Variants in ATXN1 observed in about 807,000 individuals in gnomAD.
The protein encoded by ATXN1 is ataxin 1.
In ATXN1, 8 loss-of-function variants were observed where a neutral mutation model predicts 56.4. The observed-to-expected ratio is 0.14, with a 90% CI of 0.08 to 0.26. The LOEUF (loss-of-function observed/expected upper bound fraction) is 0.26. Ranked by LOEUF, ATXN1 falls within the 10% of genes least tolerant of loss-of-function variation. The probability of loss-of-function intolerance (pLI) is 1.00; values close to 1 mark genes in which losing one functional copy is unlikely to be tolerated. For synonymous variants in ATXN1, 514 were observed against 494.6 expected, an observed-to-expected ratio of 1.04 and a Z score of -0.52; for missense variants, 987 against 1,106.5, an observed-to-expected ratio of 0.89 and a Z score of 1.53.
intron 4 of ATXN1, among the ~76,000 whole-genome samples, chr6:16,572,452 CT>C (rs1233638014): frequency 6.6e-6 from 1 of 152,180 alleles, no homozygotes; most frequent in African/African-American, 2.4e-5. Context: ...GGTTCTGCCC[CT>C]GAACCGCAAG....
intron 3 of ATXN1, among the ~76,000 whole-genome samples, chr6:16,644,602 T>A (rs1763770053): frequency 6.7e-6 from 1 of 149,748 alleles, no homozygotes; most frequent in Non-Finnish European, 1.5e-5. Context: ...ACACACACTA[T>A]ATATTTATAT....
At chr6:16,560,506 A>G (rs2113738234) in intron 4 of ATXN1, among the ~76,000 whole-genome samples, 1 of 152,296 alleles carries the variant, frequency 6.6e-6, no homozygotes, top group East Asian at 1.9e-4. Flanking sequence ...TTCCTTTAAT[A>G]TGCTTGTTCT....
At chr6:16,654,565 A>AAG (rs139344679) in intron 3 of ATXN1, among the ~76,000 whole-genome samples, 5 of 33,458 alleles carry the variant, frequency 1.5e-4, no homozygotes, top group Admixed American at 2.5e-4. Context: ...AAAAAAAAAA[A>AAG]AGAGAGAGAG....
chr6:16,465,244 C>A (rs933295921), intron 6 of ATXN1, among the ~76,000 whole-genome samples: 3 of 152,080 alleles, frequency 2.0e-5, no homozygotes, highest in Non-Finnish European at 4.4e-5. Context: ...AGGTTGATCA[C>A]CAAAGGGCAG....
At chr6:16,468,796 TAG>T (rs1180087726) in intron 6 of ATXN1, among the ~76,000 whole-genome samples, 1 of 152,078 alleles carries the variant, frequency 6.6e-6, no homozygotes, top group East Asian at 1.9e-4. Flanking sequence ...TTAGAGCAAC[TAG>T]AGAAGTTTTC....
At chr6:16,550,174 A>G (rs1486431797) in intron 4 of ATXN1, among the ~76,000 whole-genome samples, 3 of 143,050 alleles carry the variant, frequency 2.1e-5, no homozygotes, top group Non-Finnish European at 4.7e-5. Context: ...AAAAAAAAAA[A>G]GAATAGGCAT....
chr6:16,567,967 T>C (rs1198551198), intron 4 of ATXN1, among the ~76,000 whole-genome samples: 1 of 152,176 alleles, frequency 6.6e-6, no homozygotes, highest in African/African-American at 2.4e-5. Context: ...ATTTTCCCCT[T>C]ATATGTGTAG....
At chr6:16,508,280 A>T (rs1459978392) in intron 5 of ATXN1, among the ~76,000 whole-genome samples, 2 of 152,224 alleles carry the variant, frequency 1.3e-5, no homozygotes, top group East Asian at 3.8e-4. Flanking sequence ...TGTAAGTAAA[A>T]TTATTTCATA....
At chr6:16,577,523 C>CAAAA (rs61193572) in intron 4 of ATXN1, among the ~76,000 whole-genome samples, 1 of 77,016 alleles carries the variant, frequency 1.3e-5, no homozygotes, top group Non-Finnish European at 3.1e-5. Context: ...GACTCTGTCT[C>CAAAA]AAAAAAAAAA....
At chr6:16,351,066 G>A (rs968541850) in intron 6 of ATXN1, among the ~76,000 whole-genome samples, 3 of 152,084 alleles carry the variant, frequency 2.0e-5, no homozygotes, top group East Asian at 1.9e-4. Context: ...TCCAACCTGG[G>A]AGACAGAACA....
chr6:16,596,250 G>A (rs528158925), intron 3 of ATXN1, among the ~76,000 whole-genome samples: 2 of 152,192 alleles, frequency 1.3e-5, no homozygotes, highest in Admixed American at 6.5e-5. Context: ...TCTCATCTTG[G>A]CCTCCCAAAG....
rs924943687 is a variant in ATXN1 at position 16,326,237 on chromosome 6, T to C, written c.1917+157A>G. Among the ~76,000 whole-genome samples the C allele has an allele frequency of 1.3e-5, 2 of 152,172 alleles. No homozygotes were observed. The highest frequency in any genetic ancestry group is 1.3e-4 in the Admixed American group (2 of 15,288). ...GAGATCACGGGGAAATGGGGCTTAT[T>C]TTTTCTAGAGAACGCAGTTGGGAAA... On this transcript the variant is annotated intron_variant, in intron 7 of 7. Coordinates refer to ENST00000436367, the MANE Select transcript of ATXN1 (RefSeq NM_001128164.2). The surrounding 1 kb of genome is among the most constrained non-coding windows in gnomAD (Gnocchi z 6.6).
At chr6:16,378,275 T>C (rs951376481) in intron 6 of ATXN1, among the ~76,000 whole-genome samples, 6 of 152,244 alleles carry the variant, frequency 3.9e-5, no homozygotes, top group Non-Finnish European at 7.3e-5. Flanking sequence ...CCTTGTGTCA[T>C]AAAAGCAACA....
At chr6:16,439,372 GCGGGGCGGGAATAAGGGTTGGGGTGGGGT>G (rs1759463979) in intron 6 of ATXN1, among the ~76,000 whole-genome samples, 1 of 28,414 alleles carries the variant, frequency 3.5e-5, no homozygotes, top group African/African-American at 1.4e-4. Context: ...GGGGCCGGGG[GCGGGGCGGGAATAAGGGTTGGGGTGGGGT>G]GGGGATGCTG....
intron 4 of ATXN1, among the ~76,000 whole-genome samples, chr6:16,552,570 T>C (rs1375013255): frequency 1.3e-5 from 2 of 152,152 alleles, no homozygotes; most frequent in Admixed American, 1.3e-4. Context: ...ACAGCAAAAA[T>C]TAGAAGTGTA....
intron 5 of ATXN1, among the ~76,000 whole-genome samples, chr6:16,497,022 C>T (rs768283248): frequency 1.8e-4 from 27 of 152,048 alleles, no homozygotes; most frequent in Non-Finnish European, 3.1e-4. Context: ...ATTGTTTTGT[C>T]GAATAAGCTC....
chr6:16,320,785 G>T (rs985449319), intron 7 of ATXN1, among the ~76,000 whole-genome samples: 1 of 152,360 alleles, frequency 6.6e-6, no homozygotes, highest in Non-Finnish European at 1.5e-5. Context: ...AATACAGATT[G>T]ATATGCTCAC....
intron 2 of ATXN1, chr6:16,666,723 C>CT (rs1343777797): frequency 6.6e-6 from 1 of 152,138 alleles, no homozygotes; most frequent in East Asian, 1.9e-4. Flanking sequence ...CCAGGATGGT[C>CT]TTGCTCTCCT....
At chr6:16,640,797 A>G (rs1464501905) in intron 3 of ATXN1, among the ~76,000 whole-genome samples, 2 of 152,330 alleles carry the variant, frequency 1.3e-5, no homozygotes. Context: ...TTTAAATAAG[A>G]AAACTAGAAA....
Sources: gnomAD v4.1 joint callset for allele counts (sites outside exome capture counted in the v4.1 genomes callset) on GRCh38, gnomAD v4.1.1 for gene constraint, Gnocchi (gnomAD v3.1) non-coding constraint, MANE v1.5 for transcripts, NCBI Gene and HGNC (gene_info 2026-07-23, HGNC 2026-07-21) for gene names.